ABCC1: variants seen among roughly 807,000 people sequenced by gnomAD.
ABCC1 encodes the protein ATP binding cassette subfamily C member 1 (ABCC1 blood group).
A neutral mutation model predicts 172.9 loss-of-function variants in ABCC1; 83 were observed. The observed-to-expected ratio is 0.48, with a 90% confidence interval of 0.40 to 0.58. The LOEUF is 0.58. ABCC1 is among the 20% of genes least tolerant of loss of function. ABCC1 has a pLI of 0.00. For missense variants in ABCC1, 1,817 were observed against 2,002.7 expected (o/e 0.91, Z 1.77); for synonymous variants, 937 against 825.2 (o/e 1.14, Z -2.32).
At chr16:15,977,609 G>A (rs573963659) in intron 1 of ABCC1, among the ~76,000 whole-genome samples, 1 of 152,116 alleles carries the variant, frequency 6.6e-6, no homozygotes, top group South Asian at 2.1e-4. Flanking sequence ...TCTCCATGTT[G>A]GCAAATCTTA....
At chr16:15,995,752 C>T (rs966778428) in intron 1 of ABCC1, among the ~76,000 whole-genome samples, 5 of 152,232 alleles carry the variant, frequency 3.3e-5, no homozygotes, top group South Asian at 2.1e-4. Context: ...ACTGCAGCCT[C>T]GAACTCCTGG....
At chr16:16,040,518 A>G (rs1294734474) in intron 7 of ABCC1, among the ~76,000 whole-genome samples, 1 of 151,932 alleles carries the variant, frequency 6.6e-6, no homozygotes, top group Non-Finnish European at 1.5e-5. Context: ...AACTCCTGAC[A>G]TCAGGTGATC....
At chr16:15,964,658 C>G (rs999988196) in intron 1 of ABCC1, among the ~76,000 whole-genome samples, 1 of 151,330 alleles carries the variant, frequency 6.6e-6, no homozygotes, top group Non-Finnish European at 1.5e-5. Context: ...GTAATCATTA[C>G]TCTGCCAGTT....
chr16:15,993,276 G>A (rs1005952939), intron 1 of ABCC1, among the ~76,000 whole-genome samples: 4 of 152,172 alleles, frequency 2.6e-5, no homozygotes, highest in Admixed American at 2.0e-4. Context: ...ACTTATCTGT[G>A]TTAATCCGTC....
At chr16:16,079,904 C>T (rs866907417) in intron 16 of ABCC1, among the ~76,000 whole-genome samples, 2 of 151,426 alleles carry the variant, frequency 1.3e-5, no homozygotes, top group South Asian at 2.1e-4. Flanking sequence ...GCCTCTGCCT[C>T]CTGGGTCCAA....
At position 16,045,885 on chromosome 16, in the gene ABCC1, T is replaced by C; in HGVS notation, c.1090T>C (p.Tyr364His). The change falls in exon 9 of 31, where the codon TAC becomes CAC. Residue 364 changes from tyrosine (Y) to histidine (H), a missense_variant. Physicochemically the swap from Tyr to His is moderately conservative, Grantham distance 83. This residue lies in a region of ABCC1 where 1,412 missense variants were observed against 1,600.3 expected (regional missense o/e 0.88). Transcript: ENST00000399410. ...NDTKAPDWQG[Y>H]FYTVLLFVTA... is the part of the protein sequence containing the mutation. ...CACGAAGGCCCCAGACTGGCAGGGC[T>C]ACTTCTACACCGTGCTGCTGTTTGT... The C allele has an allele frequency of 6.2e-7, 1 of 1,614,168 alleles. No homozygotes were observed. The highest frequency in any genetic ancestry group is 8.5e-7 in the Non-Finnish European group (1 of 1,180,018).
intron 12 of ABCC1, among the ~76,000 whole-genome samples, chr16:16,066,793 A>T (rs1477798761): frequency 6.6e-6 from 1 of 151,860 alleles, no homozygotes; most frequent in Non-Finnish European, 1.5e-5. Flanking sequence ...AATCCCAGCT[A>T]CTTGGAGACT....
chr16:16,002,771 C>CAAA lies in ABCC1; in HGVS notation c.49-5031_49-5029dup, dbSNP rs34530270. ...TGGGCAACAGAGTGAGACCTTGTCT[C>CAAA]AAAAAAAAAAAAAAAAGTTCAGTTT... On this transcript the variant is annotated intron_variant, in intron 1 of 30. Coordinates refer to ENST00000399410, the MANE Select transcript of ABCC1 (RefSeq NM_004996.4). Among the ~76,000 whole-genome samples the CAAA allele has an allele frequency of 4.6e-3, 593 of 129,226 alleles. 5 individuals carry two copies. The highest frequency in any genetic ancestry group is 8.6e-3 in the Admixed American group (108 of 12,628). 84.8% of individuals were successfully genotyped at this position (129,226 alleles called of 152,430 possible). A position where few individuals can be genotyped will look rare whatever the true frequency, so the allele number is the denominator to read the frequency against.
intron 19 of ABCC1, among the ~76,000 whole-genome samples, chr16:16,099,692 G>A (rs529243426): frequency 1.1e-3 from 170 of 152,140 alleles, no homozygotes; most frequent in Non-Finnish European, 1.7e-3. Context: ...TTTATGGGGC[G>A]ACCTCAGACA....
In ABCC1 at chr16:16,090,432, A is replaced by C. The variant is rs1007282582; in HGVS notation, c.2488A>C (p.Ser830Arg). 4 of 1,610,504 alleles carry C rather than the reference A, an allele frequency of 2.5e-6. No individual in the cohort carries two copies. Among genetic ancestry groups the C allele is most frequent in the Non-Finnish European group, 2.5e-6 (3 of 1,177,894 alleles). Residue 830 changes from serine to arginine, a missense_variant, in exon 19 of 31, where the codon AGC (serine) becomes CGC (arginine). By Grantham distance (110) the Ser-to-Arg change is moderately radical (BLOSUM62 -1). Transcript: ENST00000399410. ...KTRILVTHSMSYLPQVDVIIV... is the reference protein window; with the variant it reads ...KTRILVTHSMRYLPQVDVIIV... ...GCGGATCTTGGTCACGCACAGCATG[A>C]GCTACTTGCCGCAGGTGGACGTCAT...
At chr16:16,007,113 T>TA (rs1261980332) in intron 1 of ABCC1, among the ~76,000 whole-genome samples, 1 of 152,108 alleles carries the variant, frequency 6.6e-6, no homozygotes, top group Non-Finnish European at 1.5e-5. Context: ...CCATCTTTCG[T>TA]ACTACAGTGG....
intron 24 of ABCC1, among the ~76,000 whole-genome samples, chr16:16,123,106 G>GT (rs1567430907): frequency 1.3e-5 from 2 of 152,074 alleles, no homozygotes; most frequent in African/African-American, 4.8e-5. Context: ...ATCCCATAGC[G>GT]TAAGTCTGGG....
Position 16,135,858 on chromosome 16 carries a change from T to G in ABCC1, c.4126-620T>G, listed in dbSNP as rs1016248764. Among the ~76,000 whole-genome samples, 10 of 152,150 alleles carry G rather than the reference T, an allele frequency of 6.6e-5. 1 individual carries two copies. Among genetic ancestry groups the G allele is most frequent in the African/African-American group, 2.4e-4 (10 of 41,428 alleles). On this transcript the variant is annotated intron_variant, in intron 28 of 30. Transcript: ENST00000399410. ...TGTCTTAGAAGATTCTCTTCTGTGGTTGGATGACGGGAGAATCCACGGGAC... is the reference window on the plus strand; with the variant it reads ...TGTCTTAGAAGATTCTCTTCTGTGGGTGGATGACGGGAGAATCCACGGGAC...
In ABCC1 at chr16:15,949,728, CCCG is replaced by C; in HGVS notation, c.-15_-13del. On this transcript the variant is annotated 5_prime_UTR_variant, in exon 1 of 31. Coordinates refer to ENST00000399410, the MANE Select transcript of ABCC1 (RefSeq NM_004996.4). ...GGGCCCGATCACCCGCCGCCCGGTGCCCGCCGCCGCCCGCGCCACCGGCATGGC... is the reference window on the plus strand; with the variant it reads ...GGGCCCGATCACCCGCCGCCCGGTGCCCGCCGCCCGCGCCACCGGCATGGC... The C allele has an allele frequency of 8.7e-7, 1 of 1,149,528 alleles. No individual in the cohort carries two copies. Among genetic ancestry groups the C allele is most frequent in the East Asian group, 4.5e-5 (1 of 22,086 alleles). The allele number at this position is 1,149,528 out of a possible 1,614,324, so 71.2% of individuals were successfully genotyped here. A position where few individuals can be genotyped will look rare whatever the true frequency, so the allele number is the denominator to read the frequency against.
chr16:15,971,801 C>A (rs914460907), intron 1 of ABCC1, among the ~76,000 whole-genome samples: 3 of 152,070 alleles, frequency 2.0e-5, no homozygotes, highest in Admixed American at 2.0e-4. Flanking sequence ...GATACGGCTC[C>A]GATGAGTGGG....
chr16:15,971,289 G>T (rs1395494714), intron 1 of ABCC1, among the ~76,000 whole-genome samples: 1 of 152,196 alleles, frequency 6.6e-6, no homozygotes, highest in Non-Finnish European at 1.5e-5. Context: ...AGGGTACCAT[G>T]ATCTGCACAC....
rs1027266205 is a variant in ABCC1 at position 16,056,115 on chromosome 16, C to A, written c.1497C>A (p.Asp499Glu). The change falls in exon 12 of 31, where the codon GAC becomes GAA. Residue 499 changes from aspartate to glutamate, a missense_variant. Around this residue, in one of 3 missense-constraint regions of ABCC1, gnomAD observed 1,412 missense variants for 1,600.3 expected, o/e 0.88. Coordinates refer to ENST00000399410, the MANE Select transcript of ABCC1 (RefSeq NM_004996.4). Reference protein sequence around the residue: ...TYQVAHMKSKDNRIKLMNEIL... With the variant: ...TYQVAHMKSKENRIKLMNEIL... ...AGGTGGCCCACATGAAGAGCAAAGA[C>A]AATCGGATCAAGCTGATGAACGAAA... 6.2e-7 allele frequency: 1 copy of A among 1,614,078 alleles called. No individual in the cohort carries two copies. Among genetic ancestry groups the A allele is most frequent in the East Asian group, 2.2e-5 (1 of 44,866 alleles).
At chr16:16,043,162 C>CA (rs1036751157) in intron 7 of ABCC1, among the ~76,000 whole-genome samples, 30 of 135,686 alleles carry the variant, frequency 2.2e-4, no homozygotes, top group South Asian at 7.4e-4. Context: ...TGCACCCAGT[C>CA]AAAAAAAAAA....
At position 16,044,645 on chromosome 16, in the gene ABCC1, C is replaced by T. The variant is rs201807299; in HGVS notation, c.1005C>T (p.His335=). The part of the protein sequence containing the change: ...FLMSFFFKAI[H]DLMMFSGPQI... ...TGAGCTTCTTCTTCAAGGCCATCCA[C>T]GACCTGATGATGTTTTCCGGGCCGC... is the stretch of plus-strand genomic sequence containing the variant. The change falls in exon 8 of 31, where the codon CAC becomes CAT. Residue 335 remains histidine, a synonymous_variant. Transcript: ENST00000399410. 291 of 1,614,160 alleles carry T rather than the reference C, an allele frequency of 1.8e-4. No individual in the cohort carries two copies. Among genetic ancestry groups the T allele is most frequent in the Non-Finnish European group, 2.3e-4 (269 of 1,180,026 alleles).
Sources: gnomAD v4.1 joint callset for allele counts (sites outside exome capture counted in the v4.1 genomes callset) on GRCh38, gnomAD v4.1.1 for gene constraint, gnomAD v4.1.1 regional missense constraint, MANE v1.5 for transcripts, NCBI Gene and HGNC (gene_info 2026-07-23, HGNC 2026-07-21) for gene names.